DGKB: variants seen among roughly 807,000 people sequenced by gnomAD.
DGKB encodes the protein 90 kDa diacylglycerol kinase.
DGKB carries 67 observed loss-of-function variants against 114.3 expected under a neutral mutation model. That is an observed-to-expected ratio of 0.59 (90% CI 0.48 to 0.72). The LOEUF (loss-of-function observed/expected upper bound fraction) is 0.72. Ranked by LOEUF, DGKB falls within the 30% of genes least tolerant of loss-of-function variation. The pLI is 0.00. For missense variants in DGKB, 907 were observed against 975.2 expected, an observed-to-expected ratio of 0.93 and a Z score of 0.93; for synonymous variants, 398 against 323.1, an observed-to-expected ratio of 1.23 and a Z score of -2.49.
chr7:14,560,128 A>T (rs987723742), intron 20 of DGKB, among the ~76,000 whole-genome samples: 2 of 151,956 alleles, frequency 1.3e-5, no homozygotes, highest in Non-Finnish European at 2.9e-5. Context: ...TGATGTAGTG[A>T]AATATTTATA....
intron 15 of DGKB, among the ~76,000 whole-genome samples, chr7:14,615,026 C>A: frequency 6.6e-6 from 1 of 152,150 alleles, no homozygotes. Flanking sequence ...AAACAAACAA[C>A]TATATCTAAA....
chr7:14,793,288 C>G (rs1231185379), intron 2 of DGKB, among the ~76,000 whole-genome samples: 1 of 152,128 alleles, frequency 6.6e-6, no homozygotes, highest in Non-Finnish European at 1.5e-5. Flanking sequence ...TCAGAAAAGA[C>G]AATGGTTGAA....
intron 2 of DGKB, among the ~76,000 whole-genome samples, chr7:14,834,289 A>T (rs1397543909): frequency 6.6e-6 from 1 of 152,186 alleles, no homozygotes; most frequent in Non-Finnish European, 1.5e-5. Flanking sequence ...AAATGAAAGT[A>T]TAAAGAAATT....
intron 1 of DGKB, among the ~76,000 whole-genome samples, chr7:14,957,768 A>C (rs568203259): frequency 1.8e-4 from 28 of 151,962 alleles, no homozygotes; most frequent in African/African-American, 6.8e-4. Flanking sequence ...GTTTTTTCTT[A>C]CTTGCCCCAA....
chr7:14,203,611 C>CT (rs990607032), intron 23 of DGKB, among the ~76,000 whole-genome samples: 23 of 152,054 alleles, frequency 1.5e-4, no homozygotes, highest in African/African-American at 5.3e-4. Flanking sequence ...TAATGCATAA[C>CT]TGAAGGGGTC....
chr7:14,386,602 T>A (rs1444047114), intron 21 of DGKB, among the ~76,000 whole-genome samples: 1 of 152,182 alleles, frequency 6.6e-6, no homozygotes, highest in East Asian at 1.9e-4. Flanking sequence ...AAGAGATAAG[T>A]GAGTAAGAAA....
chr7:14,661,799 C>A (rs1395555777), intron 13 of DGKB, among the ~76,000 whole-genome samples: 1 of 151,940 alleles, frequency 6.6e-6, no homozygotes, highest in Non-Finnish European at 1.5e-5. Context: ...AGACTTGGAA[C>A]CAACCCAAAT....
intron 1 of DGKB, among the ~76,000 whole-genome samples, chr7:14,881,343 C>T (rs1164358685): frequency 1.3e-5 from 2 of 152,118 alleles, no homozygotes; most frequent in African/African-American, 2.4e-5. Context: ...ATTTTTGAAG[C>T]AATTTTAGTA....
chr7:14,446,166 T>C (rs181255870), intron 21 of DGKB, among the ~76,000 whole-genome samples: 2 of 152,218 alleles, frequency 1.3e-5, no homozygotes, highest in African/African-American at 4.8e-5. Flanking sequence ...AGTCAATTTG[T>C]CCTCTAAAAG....
chr7:14,226,633 ATTATC>A (rs1790844867), intron 23 of DGKB, among the ~76,000 whole-genome samples: 1 of 152,050 alleles, frequency 6.6e-6, no homozygotes, highest in African/African-American at 2.4e-5. Context: ...GATTTTCATA[ATTATC>A]TTATGATTCA....
chr7:14,489,896 A>C (rs1469160457), intron 20 of DGKB, among the ~76,000 whole-genome samples: 1 of 152,192 alleles, frequency 6.6e-6, no homozygotes, highest in Non-Finnish European at 1.5e-5. Context: ...ATTGAGGCTA[A>C]GGGGTCCCTT....
chr7:14,951,228 C>A (rs1237602911), intron 1 of DGKB, among the ~76,000 whole-genome samples: 1 of 151,986 alleles, frequency 6.6e-6, no homozygotes, highest in Non-Finnish European at 1.5e-5. Context: ...CTACTCCACA[C>A]AAAATCCTTC....
chr7:14,712,329 A>G (rs926557012), intron 6 of DGKB, among the ~76,000 whole-genome samples: 3 of 152,222 alleles, frequency 2.0e-5, no homozygotes, highest in Non-Finnish European at 4.4e-5. Flanking sequence ...ATAAAGGGTG[A>G]AAGTGATTAT....
intron 23 of DGKB, among the ~76,000 whole-genome samples, chr7:14,237,620 A>G (rs1438920167): frequency 6.6e-6 from 1 of 151,996 alleles, no homozygotes; most frequent in Non-Finnish European, 1.5e-5. Flanking sequence ...TATATAATTC[A>G]TGCTTTTATT....
At chr7:14,633,103 G>C (rs1810056384) in intron 13 of DGKB, among the ~76,000 whole-genome samples, 1 of 151,924 alleles carries the variant, frequency 6.6e-6, no homozygotes, top group South Asian at 2.1e-4. Flanking sequence ...GCAATTCATG[G>C]ATAACATACT....
intron 23 of DGKB, among the ~76,000 whole-genome samples, chr7:14,256,607 G>C (rs1039166841): frequency 3.3e-5 from 5 of 152,044 alleles, no homozygotes; most frequent in Non-Finnish European, 7.4e-5. Context: ...GATTACTCAG[G>C]TTGTTATGAT....
At chr7:14,357,579 G>A (rs1359342740) in intron 21 of DGKB, among the ~76,000 whole-genome samples, 2 of 152,108 alleles carry the variant, frequency 1.3e-5, no homozygotes, top group African/African-American at 4.8e-5. Flanking sequence ...TTTAATTGGG[G>A]CATTTAAACC....
rs187717829 is a variant in DGKB at position 14,340,020 on chromosome 7, G to A, written c.1927-1310C>T. On this transcript the variant is annotated intron_variant, in intron 22 of 25. Coordinates refer to ENST00000402815, the MANE Select transcript of DGKB (RefSeq NM_001350709.2). ...CATACTGAAGCTAGGATTGCATCTTGTTCACTGAAAAATAAAAACTGTGAA... is the reference window on the plus strand; with the variant it reads ...CATACTGAAGCTAGGATTGCATCTTATTCACTGAAAAATAAAAACTGTGAA... 1.3e-3 allele frequency among the ~76,000 whole-genome samples: 197 copies of A among 151,856 alleles called. 1 individual carries two copies. Among genetic ancestry groups the A allele is most frequent in the African/African-American group, 4.6e-3 (190 of 41,480 alleles).
At chr7:14,842,276 C>A (rs537458752) in intron 1 of DGKB, among the ~76,000 whole-genome samples, 1 of 152,182 alleles carries the variant, frequency 6.6e-6, no homozygotes, top group Non-Finnish European at 1.5e-5. Context: ...AGACAAGACT[C>A]ATTTGGTCTT....
Sources: gnomAD v4.1 joint callset for allele counts (sites outside exome capture counted in the v4.1 genomes callset) on GRCh38, gnomAD v4.1.1 for gene constraint, MANE v1.5 for transcripts, NCBI Gene and HGNC (gene_info 2026-07-23, HGNC 2026-07-21) for gene names.